The following NOX4 variants were observed in gnomAD, a reference collection of about 807,000 sequenced individuals.
NOX4 encodes the protein NADPH oxidase 4, also known as kidney oxidase-1.
A neutral mutation model predicts 87.6 loss-of-function variants in NOX4; 69 were observed. The observed-to-expected ratio is 0.79, with a 90% CI of 0.65 to 0.96. NOX4 has a LOEUF of 0.96. NOX4 is among the 40% of genes least tolerant of loss of function. The pLI is 0.00. For missense variants in NOX4, 680 were observed against 681.5 expected (o/e 1.00, Z 0.02); for synonymous variants, 275 against 238.2 (o/e 1.15, Z -1.42).
intron 16 of NOX4, 28 bp from the exon 17 acceptor site, chr11:89,335,973 C>A: frequency 7.2e-7 from 1 of 1,388,670 alleles, no homozygotes; most frequent in South Asian, 1.3e-5. Context: ...CTACATTATT[C>A]GATATTTAGT....
chr11:89,448,197 G>A (rs1944790576), intron 4 of NOX4, among the ~76,000 whole-genome samples: 1 of 152,038 alleles, frequency 6.6e-6, no homozygotes, highest in Non-Finnish European at 1.5e-5. Context: ...AAGTCCTGCT[G>A]TCAATCCATT....
intron 2 of NOX4, among the ~76,000 whole-genome samples, chr11:89,479,051 GAA>G (rs1946283799): frequency 6.6e-6 from 1 of 151,494 alleles, no homozygotes; most frequent in Non-Finnish European, 1.5e-5. Context: ...AAATCAGTGA[GAA>G]ATAAAAGTAA....
chr11:89,332,363 CCAAA>C (rs1945510631), intron 17 of NOX4, among the ~76,000 whole-genome samples: 1 of 151,768 alleles, frequency 6.6e-6, no homozygotes, highest in African/African-American at 2.4e-5. Flanking sequence ...ACTCAAAAAG[CCAAA>C]CAAAGTTCAA....
chr11:89,440,491 T>C (rs1944408567), intron 6 of NOX4, among the ~76,000 whole-genome samples, 197 bp downstream of exon 6: 1 of 151,836 alleles, frequency 6.6e-6, no homozygotes. Flanking sequence ...GCCCGGCTAA[T>C]TTTTTGTGTT....
intron 17 of NOX4, among the ~76,000 whole-genome samples, chr11:89,332,781 G>A (rs988971450): frequency 2.0e-5 from 3 of 151,862 alleles, no homozygotes; most frequent in African/African-American, 7.2e-5. Flanking sequence ...CATTAACCAT[G>A]GCTTTTGATA....
At chr11:89,572,293 G>A in the NOX4 span, among the ~76,000 whole-genome samples, 44 of 152,248 alleles carry the variant, frequency 2.9e-4, no homozygotes, top group Non-Finnish European at 4.6e-4. Context: ...AATCCACCTG[G>A]AAATGATTTC....
At chr11:89,475,329 A>T (rs888826356) in intron 2 of NOX4, among the ~76,000 whole-genome samples, 3 of 152,068 alleles carry the variant, frequency 2.0e-5, no homozygotes, top group African/African-American at 4.8e-5. Context: ...TATAAGAAAA[A>T]TTATTTTTCT....
At chr11:89,467,018 T>C (rs1945723956) in intron 2 of NOX4, among the ~76,000 whole-genome samples, 1 of 151,942 alleles carries the variant, frequency 6.6e-6, no homozygotes, top group South Asian at 2.1e-4. Context: ...AGAAGCTAAT[T>C]GGGGGGAGCT....
chr11:89,488,005 TTAGA>T (rs1172297389), intron 2 of NOX4, among the ~76,000 whole-genome samples: 4 of 152,132 alleles, frequency 2.6e-5, no homozygotes, highest in Non-Finnish European at 4.4e-5. Flanking sequence ...CCAAAATAGC[TTAGA>T]TAAATTAATG....
chr11:89,413,294 G>C (rs146539541), intron 8 of NOX4, among the ~76,000 whole-genome samples: 3,348 of 152,186 alleles, frequency 0.022, 132 homozygotes, highest in African/African-American at 0.077. Context: ...ACTAAAAACA[G>C]AACTACCATA....
chr11:89,342,146 T>C lies in NOX4; in HGVS notation c.1265A>G (p.Asn422Ser), dbSNP rs770057199. The change falls in exon 14 of 18, where the codon AAC becomes AGC. Residue 422 changes from asparagine (N) to serine (S), a missense_variant. Transcript: ENST00000263317. Reference sequence around the variant, plus strand: ...AGCCACGCAGAGGCTGACCTCATAGTTCAGTGATTCCTCAAATGGACTTCC... The same window carrying C: ...AGCCACGCAGAGGCTGACCTCATAGCTCAGTGATTCCTCAAATGGACTTCC... ...PFGSPFEESL[N>S]YEVSLCVAGG... The C allele has an allele frequency of 7.4e-6, 12 of 1,612,778 alleles. No individual in the cohort carries two copies. The highest frequency in any genetic ancestry group is 1.7e-6 in the Non-Finnish European group (2 of 1,178,992).
intron 2 of NOX4, among the ~76,000 whole-genome samples, chr11:89,468,629 C>T (rs750903218): frequency 5.4e-4 from 82 of 152,234 alleles, no homozygotes; most frequent in African/African-American, 1.8e-3. Flanking sequence ...AAAATGGGAG[C>T]GGGTGAGAGA....
At chr11:89,354,299 C>T (rs1261956109) in intron 13 of NOX4, among the ~76,000 whole-genome samples, 1 of 152,112 alleles carries the variant, frequency 6.6e-6, no homozygotes, top group Non-Finnish European at 1.5e-5. Flanking sequence ...CAGGAATGAT[C>T]AAGATTCAGC....
intron 9 of NOX4, 45 bp from the exon 10 acceptor site, chr11:89,400,424 G>A: frequency 1.4e-6 from 2 of 1,433,120 alleles, no homozygotes; most frequent in Non-Finnish European, 9.4e-7. Context: ...TACTCATATT[G>A]TAGAAATCTA....
chr11:89,390,118 G>A (rs1295202755), intron 11 of NOX4, among the ~76,000 whole-genome samples: 1 of 152,130 alleles, frequency 6.6e-6, no homozygotes, highest in East Asian at 1.9e-4. Context: ...TTGAAAGCAT[G>A]CATTTTACAT....
the NOX4 span, among the ~76,000 whole-genome samples, chr11:89,526,372 T>C: frequency 6.6e-6 from 1 of 152,244 alleles, no homozygotes; most frequent in African/African-American, 2.4e-5. Context: ...CAAGCATTGC[T>C]ACTTCCTAAT....
intron 12 of NOX4, among the ~76,000 whole-genome samples, chr11:89,370,698 C>G (rs1350713812): frequency 6.6e-6 from 1 of 152,002 alleles, no homozygotes; most frequent in Non-Finnish European, 1.5e-5. Flanking sequence ...TGAATCATGT[C>G]TAAAATGTTT....
the NOX4 span, among the ~76,000 whole-genome samples, chr11:89,531,016 C>T: frequency 1.3e-5 from 2 of 152,140 alleles, no homozygotes; most frequent in South Asian, 4.1e-4. Flanking sequence ...TCTCATTGGA[C>T]TCTGTGACGC....
At chr11:89,549,535 G>A in the NOX4 span, among the ~76,000 whole-genome samples, 1 of 152,118 alleles carries the variant, frequency 6.6e-6, no homozygotes, top group Non-Finnish European at 1.5e-5. Context: ...TACATGTGCA[G>A]GGCATGCAGG....
Sources: gnomAD v4.1 joint callset for allele counts (sites outside exome capture counted in the v4.1 genomes callset) on GRCh38, gnomAD v4.1.1 for gene constraint, MANE v1.5 for transcripts, NCBI Gene and HGNC (gene_info 2026-07-23, HGNC 2026-07-21) for gene names.